The following MCUB variants were observed in gnomAD, a reference collection of about 807,000 sequenced individuals.
MCUB encodes the protein mitochondrial calcium uniporter dominant negative subunit beta.
In MCUB, 46 loss-of-function variants were observed where a neutral mutation model predicts 41.4. That is an observed-to-expected ratio of 1.11 (90% CI 0.88 to 1.42). The LOEUF is 1.42. MCUB is among the 40% of genes most tolerant of loss of function. The pLI, the probability that MCUB is intolerant of heterozygous loss-of-function variation, is 0.00. For synonymous variants in MCUB, 148 were observed against 148.2 expected (o/e 1.00, Z 0.01); for missense variants, 403 against 404.9 (o/e 1.00, Z 0.04).
At chr4:109,586,948 C>G (rs1380772494) in intron 1 of MCUB, among the ~76,000 whole-genome samples, 1 of 152,216 alleles carries the variant, frequency 6.6e-6, no homozygotes, top group African/African-American at 2.4e-5. Context: ...TGTCCTTTCT[C>G]CCAGCTCAAA....
intron 1 of MCUB, chr4:109,648,423 A>G (rs1267896523): frequency 1.5e-5 from 4 of 275,310 alleles, no homozygotes; most frequent in East Asian, 2.0e-4. Context: ...GTATGTATGT[A>G]TTCTGTTTCT....
intron 1 of MCUB, among the ~76,000 whole-genome samples, chr4:109,561,538 C>T (rs1245306997): frequency 6.6e-6 from 1 of 152,036 alleles, no homozygotes. Flanking sequence ...TGAGGAAGGC[C>T]ATGTTGTTAC....
At chr4:109,581,076 A>G (rs190342175) in intron 1 of MCUB, among the ~76,000 whole-genome samples, 1 of 152,360 alleles carries the variant, frequency 6.6e-6, no homozygotes, top group African/African-American at 2.4e-5. Context: ...TGCCAAGTCA[A>G]TCCTAAGCGA....
chr4:109,608,337 T>G (rs1727925363), intron 1 of MCUB, among the ~76,000 whole-genome samples: 1 of 152,076 alleles, frequency 6.6e-6, no homozygotes, highest in African/African-American at 2.4e-5. Context: ...AAACAGCTAT[T>G]TTGAGATACC....
At chr4:109,612,172 C>T (rs1728022030) in intron 1 of MCUB, among the ~76,000 whole-genome samples, 1 of 152,038 alleles carries the variant, frequency 6.6e-6, no homozygotes, top group South Asian at 2.1e-4. Flanking sequence ...ATTGAGGGCT[C>T]TCTTCCTGGC....
chr4:109,604,394 TA>T (rs922768323), intron 1 of MCUB, among the ~76,000 whole-genome samples: 2,288 of 149,406 alleles, frequency 0.015, 39 homozygotes, highest in African/African-American at 0.043. Flanking sequence ...TAAAAAAATT[TA>T]AAAAAAAAAA....
At chr4:109,566,480 AAAT>A (rs973542189) in intron 1 of MCUB, among the ~76,000 whole-genome samples, 14 of 138,916 alleles carry the variant, frequency 1.0e-4, no homozygotes, top group Admixed American at 2.1e-4. Flanking sequence ...AAAAAAAAAA[AAAT>A]AAATAAATAA....
chr4:109,564,588 T>A (rs921217948), intron 1 of MCUB, among the ~76,000 whole-genome samples: 1 of 152,206 alleles, frequency 6.6e-6, no homozygotes, highest in African/African-American at 2.4e-5. Context: ...ATATTGTGAA[T>A]CCTGGACTGA....
At chr4:109,653,942 T>G (rs941398440) in intron 1 of MCUB, among the ~76,000 whole-genome samples, 2 of 152,230 alleles carry the variant, frequency 1.3e-5, no homozygotes, top group African/African-American at 4.8e-5. Flanking sequence ...TTAATCATAG[T>G]CACTCATTTT....
chr4:109,592,435 ATATT>A (rs1423250911), intron 1 of MCUB, among the ~76,000 whole-genome samples: 1 of 151,956 alleles, frequency 6.6e-6, no homozygotes, highest in Non-Finnish European at 1.5e-5. Context: ...ATATGTATAT[ATATT>A]TATGTATGTT....
chr4:109,582,233 T>C (rs551640934), intron 1 of MCUB, among the ~76,000 whole-genome samples: 4 of 151,884 alleles, frequency 2.6e-5, no homozygotes, highest in South Asian at 2.1e-4. Flanking sequence ...TGTAGGGACA[T>C]GGATGAAGCT....
intron 1 of MCUB, among the ~76,000 whole-genome samples, chr4:109,649,278 C>T (rs564860866): frequency 6.6e-6 from 1 of 152,230 alleles, no homozygotes; most frequent in South Asian, 2.1e-4. Flanking sequence ...CATTTTCTTT[C>T]TCCTTTCTTA....
intron 2 of MCUB, among the ~76,000 whole-genome samples, chr4:109,659,399 G>A (rs1323532573): frequency 1.3e-5 from 2 of 152,212 alleles, no homozygotes; most frequent in Non-Finnish European, 2.9e-5. Flanking sequence ...GGACCAACCT[G>A]GCCAACAAAG....
At chr4:109,622,297 T>C (rs1156791938) in intron 1 of MCUB, among the ~76,000 whole-genome samples, 2 of 152,248 alleles carry the variant, frequency 1.3e-5, no homozygotes, top group African/African-American at 4.8e-5. Context: ...GTCTGTTCTC[T>C]ACATTGTCTC....
chr4:109,640,508 A>G (rs1158322568), intron 1 of MCUB, among the ~76,000 whole-genome samples: 1 of 152,232 alleles, frequency 6.6e-6, no homozygotes, highest in Non-Finnish European at 1.5e-5. Context: ...GATCTTCTGG[A>G]TAACTTGCTC....
chr4:109,560,434 C>A lies in MCUB; in HGVS notation c.97C>A (p.Gln33Lys). ...ARPWPLPPPP[Q>K]VLRVKLCGNV... ...CCCGTGGCCGCTGCCGCCTCCGCCC[C>A]AGGTAAGAGCGGGTGCCGGGCTGTG... The change falls in exon 1 of 8, where the codon CAG becomes AAG. Residue 33 changes from glutamine (Q) to lysine (K), a missense_variant and splice_region_variant. Coordinates refer to ENST00000394650, the MANE Select transcript of MCUB (RefSeq NM_017918.5). The A allele has an allele frequency of 7.8e-7, 1 of 1,277,142 alleles. No individual in the cohort carries two copies. Among genetic ancestry groups the A allele is most frequent in the South Asian group, 2.5e-5 (1 of 39,268 alleles). 79.1% of individuals were successfully genotyped at this position (1,277,142 alleles called of 1,614,324 possible).
intron 1 of MCUB, among the ~76,000 whole-genome samples, chr4:109,591,263 G>A (rs911077296): frequency 2.0e-5 from 3 of 150,954 alleles, no homozygotes; most frequent in African/African-American, 7.3e-5. Context: ...TCAGCTCACT[G>A]CAACCTCCAC....
chr4:109,669,379 T>G (rs985396257), intron 4 of MCUB, among the ~76,000 whole-genome samples: 3 of 152,162 alleles, frequency 2.0e-5, no homozygotes, highest in Non-Finnish European at 4.4e-5. Context: ...GAAGTCAGGT[T>G]TAATTTCTTT....
intron 1 of MCUB, among the ~76,000 whole-genome samples, chr4:109,578,013 G>T (rs1219636708): frequency 6.6e-6 from 1 of 152,206 alleles, no homozygotes; most frequent in African/African-American, 2.4e-5. Context: ...TTAATTAAAA[G>T]AGAGTTTGAT....
Sources: gnomAD v4.1 joint callset for allele counts (sites outside exome capture counted in the v4.1 genomes callset) on GRCh38, gnomAD v4.1.1 for gene constraint, MANE v1.5 for transcripts, NCBI Gene and HGNC (gene_info 2026-07-23, HGNC 2026-07-21) for gene names.